Variants in CWC27 observed in about 807,000 individuals in gnomAD.
CWC27 encodes CWC27 spliceosome associated cyclophilin.
CWC27 carries 47 observed loss-of-function variants against 63.6 expected under a neutral mutation model. That is an observed-to-expected ratio of 0.74 (90% CI 0.58 to 0.94). The LOEUF (loss-of-function observed/expected upper bound fraction) is 0.94, where lower values mean the gene tolerates loss of function less well. CWC27 is among the 40% of genes least tolerant of loss of function. CWC27 has a pLI of 0.00. For synonymous variants in CWC27, 175 were observed against 179.8 expected (o/e 0.97, Z 0.22); for missense variants, 495 against 554.3 (o/e 0.89, Z 1.07).
At chr5:64,799,695 A>G (rs1744419785) in intron 7 of CWC27, among the ~76,000 whole-genome samples, 1 of 151,824 alleles carries the variant, frequency 6.6e-6, no homozygotes, top group African/African-American at 2.4e-5. Flanking sequence ...TTTTGAAAAC[A>G]TGAACTTTGA....
chr5:64,805,685 A>G (rs1561415458), intron 10 of CWC27, among the ~76,000 whole-genome samples: 1 of 152,078 alleles, frequency 6.6e-6, no homozygotes, highest in South Asian at 2.1e-4. Context: ...TCAGTCTTGT[A>G]GGCTTTAATC....
chr5:64,811,882 C>G (rs1744888036), intron 10 of CWC27, among the ~76,000 whole-genome samples: 3 of 151,992 alleles, frequency 2.0e-5, no homozygotes, highest in Non-Finnish European at 1.5e-5. Context: ...TTCATACCTT[C>G]TAAGGTCTGG....
chr5:64,804,137 A>G (rs1744578119), intron 9 of CWC27, 92 bp from the exon 10 acceptor site: 1 of 1,136,266 alleles, frequency 8.8e-7, no homozygotes, highest in Non-Finnish European at 1.2e-6. Flanking sequence ...CTAGTTTAGA[A>G]TGCAATAAGG....
chr5:64,887,524 A>T (rs531584409), intron 11 of CWC27, among the ~76,000 whole-genome samples: 2 of 152,094 alleles, frequency 1.3e-5, no homozygotes, highest in South Asian at 4.1e-4. Context: ...GCACCACCAC[A>T]CCTGTCTGAT....
At chr5:64,963,285 A>G (rs1748954105) in intron 11 of CWC27, among the ~76,000 whole-genome samples, 1 of 152,176 alleles carries the variant, frequency 6.6e-6, no homozygotes, top group Non-Finnish European at 1.5e-5. Context: ...TTTTAAAGAA[A>G]TAAAAATCAT....
At chr5:64,994,179 T>C (rs1044282852) in intron 13 of CWC27, among the ~76,000 whole-genome samples, 1 of 152,178 alleles carries the variant, frequency 6.6e-6, no homozygotes, top group African/African-American at 2.4e-5. Flanking sequence ...ATTGTTTTTG[T>C]CTACCCTCTC....
At chr5:64,770,741 A>G (rs1158106462) in intron 1 of CWC27, among the ~76,000 whole-genome samples, 2 of 152,212 alleles carry the variant, frequency 1.3e-5, no homozygotes, top group African/African-American at 4.8e-5. Flanking sequence ...GAATGGATGG[A>G]TGAATTAATA....
At position 64,885,452 on chromosome 5, in the gene CWC27, C is replaced by A; in HGVS notation, c.948C>A (p.Leu316=). The change falls in exon 11 of 14, where the codon CTC becomes CTA. Residue 316 remains leucine (L), a synonymous_variant. Transcript: ENST00000381070. Reference sequence around the variant, plus strand: ...TCTTTTTGCTTTATAGTGAAGAGCTCAGAAAAGAAGCAAGACAATTAAAAC... The same window carrying A: ...TCTTTTTGCTTTATAGTGAAGAGCTAAGAAAAGAAGCAAGACAATTAAAAC... ...EKKSVSRSEE[L]RKEARQLKRE... 1 of 1,604,968 alleles carries A rather than the reference C, an allele frequency of 6.2e-7. No individual in the cohort carries two copies. The highest frequency in any genetic ancestry group is 8.5e-7 in the Non-Finnish European group (1 of 1,175,770).
intron 11 of CWC27, among the ~76,000 whole-genome samples, chr5:64,897,586 C>T (rs915563181): frequency 6.6e-5 from 10 of 151,970 alleles, no homozygotes; most frequent in African/African-American, 2.4e-4. Context: ...ACACCAGGGT[C>T]GGTCAGAGAT....
chr5:64,938,302 G>T (rs1408792868), intron 11 of CWC27, among the ~76,000 whole-genome samples: 1 of 152,122 alleles, frequency 6.6e-6, no homozygotes, highest in Admixed American at 6.5e-5. Context: ...CAGGCCTGTT[G>T]GTGACAGAAT....
intron 13 of CWC27, among the ~76,000 whole-genome samples, chr5:65,001,454 T>G (rs556011313): frequency 6.6e-6 from 1 of 152,144 alleles, no homozygotes; most frequent in South Asian, 2.1e-4. Context: ...AGCTGTGAGC[T>G]TGTCACAAAT....
In CWC27 at chr5:64,840,388, A is replaced by C. The variant is rs1281452727; in HGVS notation, c.938+36002A>C. 5.5e-4 allele frequency among the ~76,000 whole-genome samples: 25 copies of C among 45,362 alleles called. 1 individual carries two copies. Among genetic ancestry groups the C allele is most frequent in the Non-Finnish European group, 8.1e-4 (20 of 24,784 alleles). The allele number at this position is 45,362 out of a possible 152,430, so 29.8% of individuals were successfully genotyped here. On this transcript the variant is annotated intron_variant, in intron 10 of 13. Transcript: ENST00000381070. ...AAAAAAAAAAAAAAAAAAAAAAAAA[A>C]AAAAAAATATATATATATATATATA...
intron 7 of CWC27, among the ~76,000 whole-genome samples, 168 bp from the exon 8 acceptor site, chr5:64,800,080 A>G (rs1744435446): frequency 6.6e-6 from 1 of 152,326 alleles, no homozygotes; most frequent in African/African-American, 2.4e-5. Flanking sequence ...AGTCAATAGA[A>G]GAGTAAGATT....
At chr5:64,953,983 C>T (rs758421889) in intron 11 of CWC27, among the ~76,000 whole-genome samples, 4 of 152,164 alleles carry the variant, frequency 2.6e-5, no homozygotes, top group Non-Finnish European at 5.9e-5. Flanking sequence ...ACATTTTCCA[C>T]TAAAAAATTC....
At chr5:64,847,771 A>G (rs1746029377) in intron 10 of CWC27, among the ~76,000 whole-genome samples, 1 of 152,218 alleles carries the variant, frequency 6.6e-6, no homozygotes, top group South Asian at 2.1e-4. Flanking sequence ...ACATGTTTCT[A>G]AAAACAAATG....
chr5:64,843,798 A>G (rs936125580), intron 10 of CWC27, among the ~76,000 whole-genome samples: 1 of 152,160 alleles, frequency 6.6e-6, no homozygotes, highest in Non-Finnish European at 1.5e-5. Context: ...AAGTATAGTT[A>G]TAGTCATTTA....
At chr5:64,786,755 G>C in intron 6 of CWC27, 128 bp downstream of exon 6, 1 of 581,192 alleles carries the variant, frequency 1.7e-6, no homozygotes, top group Non-Finnish European at 3.0e-6. Flanking sequence ...AGAGATATTG[G>C]AATTATGAGT....
chr5:64,794,945 T>G (rs1318050557), intron 7 of CWC27, among the ~76,000 whole-genome samples: 1 of 152,196 alleles, frequency 6.6e-6, no homozygotes, highest in Non-Finnish European at 1.5e-5. Flanking sequence ...TAGATTTTTA[T>G]TCAGTGATCA....
intron 1 of CWC27, among the ~76,000 whole-genome samples, chr5:64,770,640 T>C (rs980282199): frequency 2.0e-5 from 3 of 152,188 alleles, no homozygotes; most frequent in African/African-American, 4.8e-5. Flanking sequence ...ACCTTCCCCC[T>C]ATAGAATGTA....
Sources: gnomAD v4.1 joint callset for allele counts (sites outside exome capture counted in the v4.1 genomes callset) on GRCh38, gnomAD v4.1.1 for gene constraint, MANE v1.5 for transcripts, NCBI Gene and HGNC (gene_info 2026-07-23, HGNC 2026-07-21) for gene names.